Variants in FKBP15 observed in about 807,000 individuals in gnomAD.
The protein encoded by FKBP15 is FK506-binding protein 15.
FKBP15 carries 106 observed loss-of-function variants against 158.1 expected under a neutral mutation model. That is an observed-to-expected ratio of 0.67 (90% CI 0.57 to 0.79). The LOEUF is 0.79. Ranked by LOEUF, FKBP15 falls within the 30% of genes least tolerant of loss-of-function variation. The pLI, the probability that FKBP15 is intolerant of heterozygous loss-of-function variation, is 0.00. For synonymous variants in FKBP15, 547 were observed against 548.6 expected (o/e 1.00, Z 0.04); for missense variants, 1,287 against 1,479.1 (o/e 0.87, Z 2.13).
intron 2 of FKBP15, among the ~76,000 whole-genome samples, chr9:113,208,681 T>C (rs1369098149): frequency 6.6e-6 from 1 of 152,048 alleles, no homozygotes; most frequent in East Asian, 1.9e-4. Context: ...TAAAGGAGTA[T>C]AAAAAATTTA....
intron 19 of FKBP15, among the ~76,000 whole-genome samples, chr9:113,180,640 C>T (rs561455583): frequency 6.6e-6 from 1 of 152,082 alleles, no homozygotes; most frequent in Non-Finnish European, 1.5e-5. Context: ...GAAAATAGTA[C>T]TCAAGAGAGA....
In FKBP15 at chr9:113,171,572, C is replaced by G; in HGVS notation, c.2658+9G>C. On this transcript the variant is annotated intron_variant, in intron 24 of 27. Coordinates refer to ENST00000238256, the MANE Select transcript of FKBP15 (RefSeq NM_015258.2). Reference sequence around the variant, plus strand: ...AATGGCTTGCTTCTCATTTGAAATACCAGCTCACCTTCTCTGAGGGGTCAG... The same window carrying G: ...AATGGCTTGCTTCTCATTTGAAATAGCAGCTCACCTTCTCTGAGGGGTCAG... 6.2e-7 allele frequency: 1 copy of G among 1,606,428 alleles called. No homozygotes were observed. The highest frequency in any genetic ancestry group is 8.5e-7 in the Non-Finnish European group (1 of 1,176,096).
At chr9:113,177,705 T>C (rs1830324652) in intron 20 of FKBP15, among the ~76,000 whole-genome samples, 3 of 152,240 alleles carry the variant, frequency 2.0e-5, no homozygotes, top group South Asian at 4.1e-4. Flanking sequence ...CATTGTTTTT[T>C]AGTTCTCTAT....
chr9:113,173,141 T>G (rs1322571107), intron 23 of FKBP15, among the ~76,000 whole-genome samples: 1 of 152,230 alleles, frequency 6.6e-6, no homozygotes, highest in African/African-American at 2.4e-5. Flanking sequence ...GAAGGGTTCC[T>G]TGTATGCACT....
intron 1 of FKBP15, among the ~76,000 whole-genome samples, chr9:113,215,420 T>C (rs1197100827): frequency 6.6e-6 from 1 of 150,606 alleles, no homozygotes; most frequent in East Asian, 1.9e-4. Flanking sequence ...AGTCAGAACA[T>C]ACACAACATT....
intron 27 of FKBP15, among the ~76,000 whole-genome samples, 171 bp from the exon 28 acceptor site, chr9:113,166,326 G>C (rs1332355693): frequency 6.6e-6 from 1 of 152,220 alleles, no homozygotes; most frequent in African/African-American, 2.4e-5. Context: ...ATAAAGCTGA[G>C]ACCAGCAGGC....
chr9:113,193,621 A>G, intron 10 of FKBP15, 72 bp from the exon 11 acceptor site: 1 of 1,262,836 alleles, frequency 7.9e-7, no homozygotes, highest in Non-Finnish European at 1.1e-6. Context: ...TATATTGGAT[A>G]AGCAAATTGT....
intron 21 of FKBP15, 135 bp downstream of exon 21, chr9:113,176,402 A>AAT: frequency 9.7e-7 from 1 of 1,033,206 alleles, no homozygotes; most frequent in Non-Finnish European, 1.4e-6. Flanking sequence ...GAGCGGGGAA[A>AAT]ATTTTTTTTT....
chr9:113,169,269 A>G lies in FKBP15; in HGVS notation c.3440T>C (p.Val1147Ala), dbSNP rs369862149. The change falls in exon 26 of 28, where the codon GTT becomes GCT. Residue 1147 changes from valine to alanine, a missense_variant. Physicochemically the swap from Val to Ala is moderately conservative, Grantham distance 64. Transcript: ENST00000238256. The part of the protein sequence containing the change: ...ELSSTEAGST[V>A]AGAALRPSHH... ...GCTGGGTCTGAGGGCTGCTCCTGCA[A>G]CTGTGGAACCTGCCTCTGTGCTTGA... The G allele has an allele frequency of 1.1e-5, 18 of 1,613,916 alleles. No homozygotes were observed. Among genetic ancestry groups the G allele is most frequent in the African/African-American group, 1.3e-5 (1 of 74,928 alleles).
chr9:113,193,898 T>A (rs183718797), intron 10 of FKBP15, 129 bp downstream of exon 10: 27 of 1,147,088 alleles, frequency 2.4e-5, no homozygotes, highest in Non-Finnish European at 3.0e-5. Context: ...ATCTTCCCCA[T>A]TTCCCTGATC....
intron 17 of FKBP15, 127 bp from the exon 18 acceptor site, chr9:113,183,972 T>C (rs544122116): frequency 8.7e-6 from 6 of 687,334 alleles, no homozygotes; most frequent in African/African-American, 5.3e-5. Context: ...AGAACTTATG[T>C]CCACATGTAT....
chr9:113,170,055 A>C, intron 25 of FKBP15, 113 bp from the exon 26 acceptor site: 1 of 1,339,650 alleles, frequency 7.5e-7, no homozygotes, highest in Non-Finnish European at 9.9e-7. Flanking sequence ...TTTCCTGTTA[A>C]AAGAGGCTGA....
intron 1 of FKBP15, among the ~76,000 whole-genome samples, chr9:113,216,041 T>C (rs1432384588): frequency 1.6e-5 from 2 of 122,874 alleles, no homozygotes; most frequent in Non-Finnish European, 3.2e-5. Flanking sequence ...ATGATGCCAA[T>C]AGACTCACTC....
Position 113,202,620 on chromosome 9 carries a change from T to C in FKBP15, c.409A>G (p.Asn137Asp), listed in dbSNP as rs370425199. ...HVNFELMVRPNNYSTFYDDQR... is the reference protein window; with the variant it reads ...HVNFELMVRPDNYSTFYDDQR... ...TCATCATAAAAGGTGCTATAGTTAT[T>C]GGGCCGAACCTGGAGAAAGGAGAAA... Residue 137 changes from asparagine (N) to aspartate (D), a missense_variant, in exon 6 of 28, where the codon AAT (asparagine) becomes GAT (aspartate). Asn to Asp is a conservative substitution (Grantham distance 23). Coordinates refer to ENST00000238256, the MANE Select transcript of FKBP15 (RefSeq NM_015258.2). 10 of 1,567,804 alleles carry C rather than the reference T, an allele frequency of 6.4e-6. No homozygotes were observed. The highest frequency in any genetic ancestry group is 4.1e-5 in the African/African-American group (3 of 73,970).
rs190242981 is a variant in FKBP15 at position 113,175,486 on chromosome 9, C to T, written c.2224-903G>A. Reference sequence around the variant, plus strand: ...TTTACCTAATGAGATTTACTGAAGCCTCAGGAGCAGTTTATTATTTTCATA... The same window carrying T: ...TTTACCTAATGAGATTTACTGAAGCTTCAGGAGCAGTTTATTATTTTCATA... On this transcript the variant is annotated intron_variant, in intron 21 of 27. Transcript: ENST00000238256. Among the ~76,000 whole-genome samples, 5 of 152,276 alleles carry T rather than the reference C, an allele frequency of 3.3e-5. No homozygotes were observed. The East Asian group carries it at 9.6e-4, about 29-fold the overall frequency.
chr9:113,186,385 A>T, intron 14 of FKBP15, 22 bp from the exon 15 acceptor site: 1 of 1,449,072 alleles, frequency 6.9e-7, no homozygotes, highest in South Asian at 1.2e-5. Context: ...ACGAGTTACC[A>T]CTGGTTGATA....
rs1010388504 is a variant in FKBP15, at chr9:113,206,527, C to T, written c.306G>A (p.Gly102=). The change falls in exon 4 of 28, where the codon GGG becomes GGA. Residue 102 remains glycine (G), a synonymous_variant. Transcript: ENST00000238256. ...KQGKFGAAVL[G]NHTAREYRIL... Reference sequence around the variant, plus strand: ...CTCTCACCTCTCTGGCTGTGTGGTTCCCCAGAACTGCAGCACCAAATTTGC... The same window carrying T: ...CTCTCACCTCTCTGGCTGTGTGGTTTCCCAGAACTGCAGCACCAAATTTGC... 3.1e-6 allele frequency: 5 copies of T among 1,613,794 alleles called. No homozygotes were observed. The African/African-American group carries it at 5.3e-5, about 17-fold the overall frequency.
intron 9 of FKBP15, among the ~76,000 whole-genome samples, 168 bp from the exon 10 acceptor site, chr9:113,194,337 A>G (rs962971632): frequency 6.6e-6 from 1 of 152,126 alleles, no homozygotes. Context: ...TAGTGGGTGC[A>G]GCACACCAGC....
At chr9:113,214,284 T>C (rs1831076381) in intron 1 of FKBP15, among the ~76,000 whole-genome samples, 1 of 152,248 alleles carries the variant, frequency 6.6e-6, no homozygotes, top group Admixed American at 6.5e-5. Flanking sequence ...TGTGAGCCAC[T>C]GTGCTTAGCC....
Sources: allele counts gnomAD v4.1 joint callset (sites outside exome capture counted in the v4.1 genomes callset), GRCh38; gene constraint gnomAD v4.1.1; transcripts MANE v1.5; gene names NCBI Gene and HGNC (gene_info 2026-07-23, HGNC 2026-07-21).